ZC3H12B: variants seen among roughly 807,000 people sequenced by gnomAD.
The protein encoded by ZC3H12B is zinc finger CCCH-type containing 12B.
Under a neutral mutation model 43.9 loss-of-function variants are expected in ZC3H12B, and 7 were observed. The observed-to-expected ratio is 0.16, with a 90% confidence interval of 0.09 to 0.30. ZC3H12B has a LOEUF of 0.30. Among genes scored for constraint, ZC3H12B ranks in the 10% least tolerant of loss-of-function variants. The probability of loss-of-function intolerance (pLI) is 1.00; values close to 1 mark genes in which losing one functional copy is unlikely to be tolerated. For synonymous variants in ZC3H12B, 222 were observed against 241.7 expected, an observed-to-expected ratio of 0.92 and a Z score of 0.76; for missense variants, 475 against 670.2, an observed-to-expected ratio of 0.71 and a Z score of 3.22.
the ZC3H12B span, among the ~76,000 whole-genome samples, chrX:65,120,346 T>A: frequency 9.0e-6 from 1 of 111,459 alleles, no homozygotes; most frequent in African/African-American, 3.3e-5. Flanking sequence ...GTAGTTCTCC[T>A]TGAAGAGGTT....
chrX:65,194,941 G>T, the ZC3H12B span, among the ~76,000 whole-genome samples: 17 of 111,528 alleles, frequency 1.5e-4, no homozygotes, highest in Non-Finnish European at 3.2e-4. Context: ...CTTTTTTGTA[G>T]TTTTTGTCTT....
the ZC3H12B span, among the ~76,000 whole-genome samples, chrX:65,181,573 C>T: frequency 8.1e-5 from 9 of 111,687 alleles, no homozygotes; most frequent in Admixed American, 8.6e-4. Flanking sequence ...AAAATAACCT[C>T]ATCAGAAAGT....
At chrX:65,461,869 A>C in intron 3 of ZC3H12B, among the ~76,000 whole-genome samples, 1 of 111,123 alleles carries the variant, frequency 9.0e-6, no homozygotes, top group Non-Finnish European at 1.9e-5. Context: ...ATAATAAAAA[A>C]AAATTTATAC....
At chrX:65,497,629 C>A (rs866569412) in intron 2 of ZC3H12B, among the ~76,000 whole-genome samples, 21 of 111,480 alleles carry the variant, frequency 1.9e-4, no homozygotes, top group South Asian at 3.8e-4. Context: ...TCATTCTGTA[C>A]CAAAGAAGTG....
At chrX:65,360,866 C>T in the ZC3H12B span, among the ~76,000 whole-genome samples, 1 of 111,957 alleles carries the variant, frequency 8.9e-6, no homozygotes, top group East Asian at 2.8e-4. Flanking sequence ...TACTAGAGAT[C>T]AGAAGACCTG....
chrX:65,139,390 T>C, the ZC3H12B span, among the ~76,000 whole-genome samples: 4 of 112,115 alleles, frequency 3.6e-5, no homozygotes, highest in Non-Finnish European at 7.5e-5. Flanking sequence ...TGGGAAACTA[T>C]TTGACTATAA....
the ZC3H12B span, among the ~76,000 whole-genome samples, chrX:65,267,864 T>TA: frequency 9.0e-6 from 1 of 111,449 alleles, no homozygotes; most frequent in Non-Finnish European, 1.9e-5. Context: ...CTCAAGGAGA[T>TA]AGGAAAAGAA....
the ZC3H12B span, among the ~76,000 whole-genome samples, chrX:65,248,441 T>G: frequency 8.9e-6 from 1 of 111,940 alleles, no homozygotes; most frequent in Non-Finnish European, 1.9e-5. Context: ...AACTGATGTA[T>G]TACTCAATGG....
the ZC3H12B span, among the ~76,000 whole-genome samples, chrX:65,103,545 G>A: frequency 2.7e-5 from 3 of 111,942 alleles, no homozygotes; most frequent in East Asian, 8.4e-4. Flanking sequence ...AGTAAAGACA[G>A]GCCTAGGAAA....
the ZC3H12B span, among the ~76,000 whole-genome samples, chrX:65,188,794 G>A: frequency 1.6e-5 from 1 of 61,056 alleles, no homozygotes; most frequent in Middle Eastern, 0.012. Flanking sequence ...TAGTTCTAAA[G>A]TCTTTAAGTT....
chrX:65,177,498 T>G, the ZC3H12B span, among the ~76,000 whole-genome samples: 1 of 112,222 alleles, frequency 8.9e-6, no homozygotes, highest in Non-Finnish European at 1.9e-5. Context: ...TGTCTCTGTT[T>G]GCAGATGACA....
chrX:65,447,815 A>C (rs1341504121), intron 3 of ZC3H12B, among the ~76,000 whole-genome samples: 1 of 112,043 alleles, frequency 8.9e-6, no homozygotes, highest in Non-Finnish European at 1.9e-5. Context: ...AAAATGTACA[A>C]ATGGCCAAAA....
chrX:65,203,846 A>G, the ZC3H12B span, among the ~76,000 whole-genome samples: 2 of 111,000 alleles, frequency 1.8e-5, no homozygotes, highest in African/African-American at 6.5e-5. Flanking sequence ...TGCCTTTCAC[A>G]TATGTTGAGG....
the ZC3H12B span, among the ~76,000 whole-genome samples, chrX:65,224,066 C>T: frequency 2.7e-5 from 3 of 111,993 alleles, no homozygotes; most frequent in Non-Finnish European, 3.8e-5. Flanking sequence ...GCCCATCAGT[C>T]AATGAAGGTG....
chrX:65,200,876 C>A, the ZC3H12B span, among the ~76,000 whole-genome samples: 1 of 111,663 alleles, frequency 9.0e-6, no homozygotes, highest in Non-Finnish European at 1.9e-5. Flanking sequence ...AACCTTGCAT[C>A]AAGAGGATGA....
chrX:65,227,284 T>A, the ZC3H12B span, among the ~76,000 whole-genome samples: 1 of 111,528 alleles, frequency 9.0e-6, no homozygotes, highest in South Asian at 3.7e-4. Context: ...GAATGACTAC[T>A]GGGTACATAA....
chrX:65,470,114 T>C (rs932630997), intron 3 of ZC3H12B: 2 of 116,108 alleles, frequency 1.7e-5, no homozygotes, highest in African/African-American at 3.3e-5. Context: ...GCGCCAAGTA[T>C]GTGCTGGAGA....
chrX:65,347,261 T>C, the ZC3H12B span, among the ~76,000 whole-genome samples: 3 of 111,105 alleles, frequency 2.7e-5, no homozygotes, highest in Non-Finnish European at 3.8e-5. Context: ...GAAGAGCACA[T>C]CCACTCAGAG....
At chrX:65,360,828 T>C in the ZC3H12B span, among the ~76,000 whole-genome samples, 1 of 112,452 alleles carries the variant, frequency 8.9e-6, no homozygotes, top group Admixed American at 9.4e-5. Context: ...TTGTGGTATA[T>C]GCATTCTATC....
Sources: gnomAD v4.1 joint callset for allele counts (sites outside exome capture counted in the v4.1 genomes callset) on GRCh38, gnomAD v4.1.1 for gene constraint, MANE v1.5 for transcripts, NCBI Gene and HGNC (gene_info 2026-07-23, HGNC 2026-07-21) for gene names.